Variants in DNAH11 observed in about 807,000 individuals in gnomAD.
DNAH11 encodes the protein axonemal beta dynein heavy chain 11.
DNAH11 carries 442 observed loss-of-function variants against 526.0 expected under a neutral mutation model. The ratio of observed to expected loss-of-function variants is 0.84; its 90% CI spans 0.78 to 0.91. The LOEUF (loss-of-function observed/expected upper bound fraction) is 0.91. Ranked by LOEUF, DNAH11 falls within the 40% of genes least tolerant of loss-of-function variation. DNAH11 has a pLI of 0.00. For missense variants in DNAH11, 6,989 were observed against 5,448.7 expected (o/e 1.28, Z -8.90); for synonymous variants, 2,461 against 1,935.9 (o/e 1.27, Z -7.12).
At chr7:21,582,145 A>G (rs944962001) in intron 9 of DNAH11, 124 bp downstream of exon 9, 6 of 615,024 alleles carry the variant, frequency 9.8e-6, no homozygotes, top group African/African-American at 5.5e-5. Flanking sequence ...TTCCCTTCAA[A>G]TTCAGCTCAC....
chr7:21,732,434 G>T (rs888925590), intron 45 of DNAH11, among the ~76,000 whole-genome samples: 1 of 152,094 alleles, frequency 6.6e-6, no homozygotes, highest in Non-Finnish European at 1.5e-5. Flanking sequence ...AAATACCGGG[G>T]TTAGGGCTTC....
At chr7:21,899,196 G>C (rs766314095) in intron 79 of DNAH11, 140 bp from the exon 80 acceptor site, 1 of 688,818 alleles carries the variant, frequency 1.5e-6, no homozygotes, top group Non-Finnish European at 2.7e-6. Flanking sequence ...CCTGCAAATT[G>C]TCAGGGAAGG....
intron 9 of DNAH11, among the ~76,000 whole-genome samples, chr7:21,585,265 G>A (rs1323718265): frequency 6.6e-6 from 1 of 152,136 alleles, no homozygotes; most frequent in African/African-American, 2.4e-5. Context: ...TTGAGGCTAG[G>A]TGGAGTGACT....
intron 56 of DNAH11, 123 bp from the exon 57 acceptor site, chr7:21,778,835 G>A: frequency 8.3e-7 from 1 of 1,200,406 alleles, no homozygotes; most frequent in Non-Finnish European, 1.1e-6. Flanking sequence ...GTGAAAATCA[G>A]GGTAGAGACA....
chr7:21,559,102 T>C (rs1583480294), intron 3 of DNAH11, 104 bp downstream of exon 3: 2 of 939,888 alleles, frequency 2.1e-6, no homozygotes, highest in South Asian at 1.8e-5. Flanking sequence ...GGTGGGAGGG[T>C]TGCTTGATCC....
chr7:21,695,935 C>T (rs1783831845), intron 35 of DNAH11, among the ~76,000 whole-genome samples: 1 of 152,140 alleles, frequency 6.6e-6, no homozygotes, highest in African/African-American at 2.4e-5. Flanking sequence ...TATGAACAGA[C>T]ACTTCTCAAA....
chr7:21,649,140 C>T (rs1266342924), intron 28 of DNAH11, among the ~76,000 whole-genome samples: 1 of 152,186 alleles, frequency 6.6e-6, no homozygotes, highest in Non-Finnish European at 1.5e-5. Flanking sequence ...TTAAAACTCA[C>T]TAAACAATGG....
chr7:21,726,997 G>T (rs1488311809), intron 45 of DNAH11, among the ~76,000 whole-genome samples: 2 of 107,548 alleles, frequency 1.9e-5, no homozygotes, highest in East Asian at 6.2e-4. Context: ...GCAGTGGCGC[G>T]ATCTCGGCTC....
At chr7:21,647,293 C>G (rs1787397928) in intron 28 of DNAH11, among the ~76,000 whole-genome samples, 1 of 151,988 alleles carries the variant, frequency 6.6e-6, no homozygotes, top group Non-Finnish European at 1.5e-5. Flanking sequence ...TCAGATTGGT[C>G]AAAACAATAT....
At chr7:21,630,242 T>A (rs919270433) in intron 25 of DNAH11, among the ~76,000 whole-genome samples, 3 of 152,102 alleles carry the variant, frequency 2.0e-5, no homozygotes, top group African/African-American at 7.2e-5. Context: ...GCTTTAGTTG[T>A]CTCAATTTGT....
intron 55 of DNAH11, among the ~76,000 whole-genome samples, chr7:21,768,613 C>T (rs959617937): frequency 6.6e-6 from 1 of 152,180 alleles, no homozygotes; most frequent in Non-Finnish European, 1.5e-5. Context: ...ACACAAACTC[C>T]GTATCATCAG....
rs547527902 is a variant in DNAH11 at position 21,635,472 on chromosome 7, A to G, written c.4501-399A>G. On this transcript the variant is annotated intron_variant, in intron 25 of 81. Coordinates refer to ENST00000409508, the MANE Select transcript of DNAH11 (RefSeq NM_001277115.2). ...TGCCCGGCCTATTTTTTTAAGATTA[A>G]TAAACACATACCTATACAATCTTGG... 2.6e-5 allele frequency among the ~76,000 whole-genome samples: 4 copies of G among 152,192 alleles called. No individual in the cohort carries two copies. The East Asian group carries it at 7.7e-4, about 29-fold the overall frequency.
rs144078285 is a variant in DNAH11, at chr7:21,878,162, T to C, written c.12196-2540T>C. 1.1e-3 allele frequency among the ~76,000 whole-genome samples: 163 copies of C among 152,356 alleles called. 2 individuals are homozygous for C. The highest frequency in any genetic ancestry group is 3.8e-3 in the African/African-American group (157 of 41,586). On this transcript the variant is annotated intron_variant, in intron 74 of 81. Coordinates refer to ENST00000409508, the MANE Select transcript of DNAH11 (RefSeq NM_001277115.2). ...ATCACTTGGTTTGCAAAAATACAAC[T>C]GGCCTGAACTGTGGAATGGTAGGTA...
At chr7:21,740,686 G>C (rs754644435) in intron 48 of DNAH11, among the ~76,000 whole-genome samples, 8 of 152,178 alleles carry the variant, frequency 5.3e-5, no homozygotes, top group Non-Finnish European at 1.0e-4. Flanking sequence ...TGCGAACATG[G>C]ATGAACAAAT....
chr7:21,766,465 C>A (rs968337060), intron 55 of DNAH11, among the ~76,000 whole-genome samples: 3 of 152,152 alleles, frequency 2.0e-5, no homozygotes, highest in Non-Finnish European at 4.4e-5. Context: ...AAACACAGAA[C>A]TGGAGATATG....
At chr7:21,785,178 T>G (rs1261970006) in intron 58 of DNAH11, among the ~76,000 whole-genome samples, 1 of 152,180 alleles carries the variant, frequency 6.6e-6, no homozygotes, top group Non-Finnish European at 1.5e-5. Context: ...GCTCAGGAAA[T>G]CACTGGGCCT....
At chr7:21,694,457 A>G (rs569051612) in intron 35 of DNAH11, among the ~76,000 whole-genome samples, 6 of 151,962 alleles carry the variant, frequency 3.9e-5, no homozygotes, top group African/African-American at 1.4e-4. Flanking sequence ...GTGTTTAGTT[A>G]TCTGTTCTTG....
intron 8 of DNAH11, among the ~76,000 whole-genome samples, chr7:21,576,979 A>G (rs77124012): frequency 0.041 from 6,189 of 152,302 alleles, 138 homozygotes; most frequent in South Asian, 0.062. Flanking sequence ...CATTATATAT[A>G]AAACAGACCT....
intron 6 of DNAH11, among the ~76,000 whole-genome samples, chr7:21,567,672 A>G (rs114369653): frequency 7.2e-5 from 11 of 152,156 alleles, no homozygotes; most frequent in African/African-American, 1.2e-4. Context: ...TTTCTGATCT[A>G]CTTTACTCAG....
Sources: allele counts gnomAD v4.1 joint callset (sites outside exome capture counted in the v4.1 genomes callset), GRCh38; gene constraint gnomAD v4.1.1; transcripts MANE v1.5; gene names NCBI Gene and HGNC (gene_info 2026-07-23, HGNC 2026-07-21).